The following ADAMTS18 variants were observed in gnomAD, a reference collection of about 807,000 sequenced individuals.
ADAMTS18 encodes the protein A disintegrin and metalloproteinase with thrombospondin motifs 18.
A neutral mutation model predicts 165.9 loss-of-function variants in ADAMTS18; 157 were observed. The observed-to-expected ratio is 0.95, with a 90% CI of 0.83 to 1.08. ADAMTS18 has a LOEUF of 1.08. Among genes scored for constraint, ADAMTS18 ranks in the 50% least tolerant of loss-of-function variants. ADAMTS18 has a pLI of 0.00. For missense variants in ADAMTS18, 2,040 were observed against 1,534.0 expected, an observed-to-expected ratio of 1.33 and a Z score of -5.51; for synonymous variants, 782 against 578.2, an observed-to-expected ratio of 1.35 and a Z score of -5.06.
chr16:77,328,628 A>C (rs933383695), intron 12 of ADAMTS18, among the ~76,000 whole-genome samples: 2 of 152,226 alleles, frequency 1.3e-5, no homozygotes, highest in Admixed American at 1.3e-4. Flanking sequence ...AAAAGCACTT[A>C]GAAAAATCTT....
intron 3 of ADAMTS18, among the ~76,000 whole-genome samples, chr16:77,399,249 A>G (rs1301272847): frequency 6.6e-6 from 1 of 152,162 alleles, no homozygotes; most frequent in African/African-American, 2.4e-5. Flanking sequence ...GATAGGTAGT[A>G]AGGCTAGGTA....
In ADAMTS18 at chr16:77,431,570, A is replaced by G. The variant is rs1222047854; in HGVS notation, c.220T>C (p.Ser74Pro). ...VTPVEVDSAG[S>P]YISHDILHNG... ...TGCAAAATGTCGTGTGAAATATATG[A>G]CCCGGCTGAGTCTACTTCTACTGGC... Residue 74 changes from serine (S) to proline (P), a missense_variant, in exon 3 of 23, where the codon TCA (serine) becomes CCA (proline). Ser to Pro is a moderately conservative substitution (Grantham distance 74). Coordinates refer to ENST00000282849, the MANE Select transcript of ADAMTS18 (RefSeq NM_199355.4). 6.2e-7 allele frequency: 1 copy of G among 1,613,876 alleles called. No homozygotes were observed. Among genetic ancestry groups the G allele is most frequent in the South Asian group, 1.1e-5 (1 of 91,080 alleles).
chr16:77,370,913 G>T (rs1056365883), intron 3 of ADAMTS18, among the ~76,000 whole-genome samples: 4 of 151,976 alleles, frequency 2.6e-5, no homozygotes, highest in Non-Finnish European at 5.9e-5. Context: ...AAATAAATAA[G>T]AAGATATTCT....
At chr16:77,356,865 T>C (rs1460506664) in intron 8 of ADAMTS18, among the ~76,000 whole-genome samples, 1 of 152,014 alleles carries the variant, frequency 6.6e-6, no homozygotes, top group Non-Finnish European at 1.5e-5. Context: ...CATACCCACA[T>C]AGGATACATA....
intron 3 of ADAMTS18, among the ~76,000 whole-genome samples, chr16:77,379,988 G>C (rs1438982083): frequency 6.6e-6 from 1 of 152,188 alleles, no homozygotes; most frequent in Non-Finnish European, 1.5e-5. Context: ...CTCAGTCTCT[G>C]TGACTTTCTG....
intron 16 of ADAMTS18, among the ~76,000 whole-genome samples, chr16:77,303,659 GGAGAAGT>G (rs1359703784): frequency 6.6e-6 from 1 of 152,126 alleles, no homozygotes. Flanking sequence ...TTCGGGAGGG[GGAGAAGT>G]GATATCCCCC....
chr16:77,368,702 G>C (rs114807713), intron 3 of ADAMTS18, among the ~76,000 whole-genome samples: 1,747 of 152,084 alleles, frequency 0.011, 26 homozygotes, highest in African/African-American at 0.04. Flanking sequence ...TGAGCCACCA[G>C]TTCTGGCCCA....
intron 14 of ADAMTS18, 112 bp downstream of exon 14, chr16:77,322,224 T>C (rs1365055780): frequency 2.4e-6 from 3 of 1,240,790 alleles, no homozygotes; most frequent in South Asian, 1.2e-5. Flanking sequence ...TTTCGCTCCA[T>C]GCCACCTGCT....
At chr16:77,317,268 T>C (rs1194429107) in intron 16 of ADAMTS18, among the ~76,000 whole-genome samples, 1 of 152,206 alleles carries the variant, frequency 6.6e-6, no homozygotes, top group African/African-American at 2.4e-5. Context: ...CACTACTCTA[T>C]ACCCAGTTTA....
At chr16:77,386,513 G>A (rs1256532377) in intron 3 of ADAMTS18, among the ~76,000 whole-genome samples, 1 of 152,064 alleles carries the variant, frequency 6.6e-6, no homozygotes, top group Non-Finnish European at 1.5e-5. Flanking sequence ...TACAACTGCT[G>A]GGCAGCAGCT....
intron 3 of ADAMTS18, among the ~76,000 whole-genome samples, chr16:77,427,337 G>T (rs1285169831): frequency 1.3e-5 from 2 of 152,152 alleles, no homozygotes; most frequent in Admixed American, 6.5e-5. Context: ...ATGCAAGTTT[G>T]TTCTGTTGGA....
At chr16:77,354,563 C>T (rs757858582) in intron 9 of ADAMTS18, among the ~76,000 whole-genome samples, 3 of 151,782 alleles carry the variant, frequency 2.0e-5, no homozygotes, top group Admixed American at 1.3e-4. Context: ...GTGGTACCAC[C>T]GAGAAGTTAA....
At chr16:77,366,026 T>A (rs1201027017) in intron 4 of ADAMTS18, among the ~76,000 whole-genome samples, 1 of 152,234 alleles carries the variant, frequency 6.6e-6, no homozygotes, top group East Asian at 1.9e-4. Flanking sequence ...CTATATATGC[T>A]AAATGGATGC....
chr16:77,291,048 A>G (rs2055352435), intron 21 of ADAMTS18: 1 of 520,596 alleles, frequency 1.9e-6, no homozygotes. Flanking sequence ...AAACAAATCA[A>G]CTCTCCCAGA....
chr16:77,323,923 T>A (rs1048667852), intron 13 of ADAMTS18, among the ~76,000 whole-genome samples: 2 of 152,224 alleles, frequency 1.3e-5, no homozygotes, highest in Non-Finnish European at 2.9e-5. Flanking sequence ...GTTGCATGCA[T>A]GAATGAAATT....
At chr16:77,395,066 A>G (rs922804554) in intron 3 of ADAMTS18, among the ~76,000 whole-genome samples, 1 of 152,196 alleles carries the variant, frequency 6.6e-6, no homozygotes. Context: ...GAGCTTCACA[A>G]CAACTTTATT....
intron 22 of ADAMTS18, among the ~76,000 whole-genome samples, chr16:77,287,072 G>C (rs2055268008): frequency 6.6e-6 from 1 of 152,136 alleles, no homozygotes; most frequent in African/African-American, 2.4e-5. Context: ...GCCATGGGCA[G>C]AATGGTCTTC....
chr16:77,431,382 C>T lies in ADAMTS18; in HGVS notation c.408G>A (p.Gln136=). Residue 136 remains glutamine (Q), a synonymous_variant, in exon 3 of 23, where the codon CAG becomes CAA. Coordinates refer to ENST00000282849, the MANE Select transcript of ADAMTS18 (RefSeq NM_199355.4). ...AGAAGCATTGCTGCACCTCGGGTTT[C>T]TGAGTCTCTGAAGCACCATCTTTTC... The part of the protein sequence containing the change: ...VLGKDGASET[Q]KPEVQQCFYQ... 6.2e-7 allele frequency: 1 copy of T among 1,614,124 alleles called. No individual in the cohort carries two copies. Among genetic ancestry groups the T allele is most frequent in the Non-Finnish European group, 8.5e-7 (1 of 1,180,040 alleles).
At chr16:77,327,161 C>A (rs1038224379) in intron 12 of ADAMTS18, among the ~76,000 whole-genome samples, 2 of 152,262 alleles carry the variant, frequency 1.3e-5, no homozygotes, top group Admixed American at 6.5e-5. Flanking sequence ...TGAACATATA[C>A]CTGCATGTGT....
Sources: allele counts gnomAD v4.1 joint callset (sites outside exome capture counted in the v4.1 genomes callset), GRCh38; gene constraint gnomAD v4.1.1; transcripts MANE v1.5; gene names NCBI Gene and HGNC (gene_info 2026-07-23, HGNC 2026-07-21).